Variants in HBP1 observed in about 807,000 individuals in gnomAD.
The protein encoded by HBP1 is HMG box-containing protein 1.
HBP1 carries 20 observed loss-of-function variants against 62.6 expected under a neutral mutation model. The ratio of observed to expected loss-of-function variants is 0.32; its 90% CI spans 0.22 to 0.46. The LOEUF (loss-of-function observed/expected upper bound fraction) is 0.46. Among genes scored for constraint, HBP1 ranks in the 20% least tolerant of loss-of-function variants. The probability of loss-of-function intolerance (pLI) is 1.00; values close to 1 mark genes in which losing one functional copy is unlikely to be tolerated. For missense variants in HBP1, 480 were observed against 611.8 expected (o/e 0.78, Z 2.27); for synonymous variants, 232 against 206.2 (o/e 1.12, Z -1.07).
chr7:107,183,077 G>A (rs1797185168), intron 3 of HBP1, among the ~76,000 whole-genome samples: 1 of 152,150 alleles, frequency 6.6e-6, no homozygotes, highest in Admixed American at 6.5e-5. Context: ...ACAAAAGTGG[G>A]TTCCCATTGG....
At chr7:107,171,073 A>ATATTTTTTTTTTTTTTT in intron 1 of HBP1, among the ~76,000 whole-genome samples, 6 of 87,196 alleles carry the variant, frequency 6.9e-5, no homozygotes, top group African/African-American at 3.3e-4. Context: ...ATATATATAT[A>ATATTTTTTTTTTTTTTT]TTTTTTTTTT....
chr7:107,186,228 T>C, intron 4 of HBP1, 133 bp from the exon 5 acceptor site: 1 of 556,430 alleles, frequency 1.8e-6, no homozygotes, highest in Non-Finnish European at 3.1e-6. Flanking sequence ...TTGAAGGCAT[T>C]ATATTTTCCC....
In HBP1 at chr7:107,182,383, T is replaced by G; in HGVS notation, c.180T>G (p.Pro60=). Residue 60 remains proline, a synonymous_variant, in exon 3 of 11, where the codon CCT becomes CCG. Coordinates refer to ENST00000222574, the MANE Select transcript of HBP1 (RefSeq NM_012257.4). Reference sequence around the variant, plus strand: ...TGTGCTTATTTGCAGATGACCTTCCTGAACTTCAGGCAGTTCAAAGTGATC... The same window carrying G: ...TGTGCTTATTTGCAGATGACCTTCCGGAACTTCAGGCAGTTCAAAGTGATC... ...CDEHMELDDL[P]ELQAVQSDPT... is the part of the protein sequence containing the mutation. 6.2e-7 allele frequency: 1 copy of G among 1,601,764 alleles called. No homozygotes were observed. The highest frequency in any genetic ancestry group is 8.6e-7 in the Non-Finnish European group (1 of 1,168,888).
At chr7:107,181,508 C>T (rs1031919971) in intron 2 of HBP1, among the ~76,000 whole-genome samples, 6 of 151,156 alleles carry the variant, frequency 4.0e-5, no homozygotes, top group Admixed American at 6.6e-5. Flanking sequence ...TAGGACATTT[C>T]GGTTTTAGTA....
chr7:107,187,741 C>T (rs189699977), intron 6 of HBP1, among the ~76,000 whole-genome samples: 257 of 152,280 alleles, frequency 1.7e-3, no homozygotes, highest in Non-Finnish European at 2.3e-3. Context: ...GGAAGAGAGA[C>T]GTCGTTTGTT....
At chr7:107,187,187 A>G (rs941553894) in intron 6 of HBP1, among the ~76,000 whole-genome samples, 4 of 152,288 alleles carry the variant, frequency 2.6e-5, no homozygotes, top group African/African-American at 9.6e-5. Context: ...CAGGAGGCAG[A>G]GCTTGCAGTG....
intron 1 of HBP1, 105 bp from the exon 2 acceptor site, chr7:107,179,771 CAAA>C: frequency 1.7e-6 from 1 of 595,124 alleles, no homozygotes; most frequent in Admixed American, 3.0e-5. Flanking sequence ...GACTATGTCT[CAAA>C]AAAAAAACAA....
chr7:107,180,105 A>G (rs748163131), intron 2 of HBP1, 43 bp downstream of exon 2: 1 of 1,338,246 alleles, frequency 7.5e-7, no homozygotes, highest in South Asian at 1.5e-5. Context: ...ACTAAGATTC[A>G]GATAAATTTT....
intron 1 of HBP1, chr7:107,174,502 G>A: frequency 1.0e-6 from 1 of 985,282 alleles, no homozygotes; most frequent in Non-Finnish European, 1.2e-6. Context: ...AATGATAGAA[G>A]TTGCAAAGAG....
intron 1 of HBP1, among the ~76,000 whole-genome samples, chr7:107,169,563 C>T (rs1294855933): frequency 6.6e-6 from 1 of 150,986 alleles, no homozygotes; most frequent in East Asian, 2.0e-4. Context: ...ACTTCAACTC[C>T]CCGTTTGTGG....
At chr7:107,173,461 C>G (rs778896505) in intron 1 of HBP1, 1 of 152,164 alleles carries the variant, frequency 6.6e-6, no homozygotes, top group Non-Finnish European at 1.5e-5. Context: ...TCTCAGCTCT[C>G]GCCTTCAAAA....
intron 1 of HBP1, among the ~76,000 whole-genome samples, chr7:107,170,486 A>T (rs891705462): frequency 6.7e-6 from 1 of 148,666 alleles, no homozygotes; most frequent in Non-Finnish European, 1.5e-5. Flanking sequence ...TCATCTGTTC[A>T]GTTGCCTTGG....
intron 10 of HBP1, chr7:107,200,637 T>C: frequency 5.9e-6 from 1 of 169,558 alleles, no homozygotes. Context: ...CAGTAGAAAA[T>C]TTCTCTAATA....
intron 1 of HBP1, chr7:107,169,618 TG>T (rs2115735149): frequency 2.5e-6 from 1 of 396,622 alleles, no homozygotes; most frequent in Non-Finnish European, 3.4e-6. Flanking sequence ...TGGCCGGAGG[TG>T]GGGGACCCCA....
chr7:107,187,649 T>G (rs1797459352), intron 6 of HBP1, among the ~76,000 whole-genome samples: 3 of 152,130 alleles, frequency 2.0e-5, no homozygotes, highest in Admixed American at 6.6e-5. Flanking sequence ...TTCACTTTAG[T>G]GAAGTTCACA....
intron 9 of HBP1, chr7:107,196,597 G>T: frequency 3.9e-6 from 1 of 253,784 alleles, no homozygotes. Context: ...AAGTTTAAGT[G>T]GAATTTTTAG....
At chr7:107,170,068 C>A (rs1046483890) in intron 1 of HBP1, 31 of 985,100 alleles carry the variant, frequency 3.1e-5, no homozygotes, top group South Asian at 1.4e-4. Flanking sequence ...GCACTCTACA[C>A]TCGAGTTCAT....
intron 8 of HBP1, among the ~76,000 whole-genome samples, chr7:107,190,542 T>G (rs1797598425): frequency 6.6e-6 from 1 of 152,224 alleles, no homozygotes; most frequent in Admixed American, 6.5e-5. Flanking sequence ...ATTGAGTTTA[T>G]AAAACATTTA....
intron 8 of HBP1, among the ~76,000 whole-genome samples, chr7:107,194,696 T>C (rs181235606): frequency 6.6e-6 from 1 of 152,318 alleles, no homozygotes; most frequent in East Asian, 1.9e-4. Flanking sequence ...TTAAACTATT[T>C]TGATGTATTA....
Sources: allele counts gnomAD v4.1 joint callset (sites outside exome capture counted in the v4.1 genomes callset), GRCh38; gene constraint gnomAD v4.1.1; transcripts MANE v1.5; gene names NCBI Gene and HGNC (gene_info 2026-07-23, HGNC 2026-07-21).